The following NRG1 variants were observed in gnomAD, a reference collection of about 807,000 sequenced individuals.
NRG1 encodes the protein pro-neuregulin-1, membrane-bound isoform.
Under a neutral mutation model 63.8 loss-of-function variants are expected in NRG1, and 18 were observed. That is an observed-to-expected ratio of 0.28 (90% CI 0.19 to 0.42). The LOEUF (loss-of-function observed/expected upper bound fraction) is 0.42. NRG1 is among the 10% of genes least tolerant of loss of function. The probability of loss-of-function intolerance (pLI) is 1.00; values close to 1 mark genes in which losing one functional copy is unlikely to be tolerated. For missense variants in NRG1, 762 were observed against 814.7 expected (o/e 0.94, Z 0.79); for synonymous variants, 302 against 301.3 (o/e 1.00, Z -0.02).
chr8:31,850,439 T>C (rs1278571572), intron 1 of NRG1, among the ~76,000 whole-genome samples: 1 of 152,168 alleles, frequency 6.6e-6, no homozygotes, highest in Non-Finnish European at 1.5e-5. Flanking sequence ...TTATGTGACC[T>C]GAGGGTCCAT....
At position 31,731,417 on chromosome 8, in the gene NRG1, T is replaced by TACACACACTC. The variant is rs1554517429; in HGVS notation, c.37+91994_37+91995insTCACACACAC. On this transcript the variant is annotated intron_variant, in intron 1 of 10. Coordinates refer to the NRG1 transcript ENST00000519301. Reference sequence around the variant, plus strand: ...AAAAGTAGGATACAAAATTATGTCATACACACACACACACACACACACACA... The same window carrying TACACACACTC: ...AAAAGTAGGATACAAAATTATGTCATACACACACTCACACACACACACACACACACACACA... Among the ~76,000 whole-genome samples the TACACACACTC allele has an allele frequency of 7.2e-3, 1,067 of 148,406 alleles. 36 individuals are homozygous for TACACACACTC. The South Asian group carries it at 0.11, about 16-fold the overall frequency.
chr8:31,883,015 T>A (rs768002001), intron 1 of NRG1, among the ~76,000 whole-genome samples: 1 of 152,138 alleles, frequency 6.6e-6, no homozygotes, highest in Non-Finnish European at 1.5e-5. Context: ...TGCCTCCAAT[T>A]TCTCAAGAAA....
intron 1 of NRG1, among the ~76,000 whole-genome samples, chr8:31,833,253 G>T (rs1054249359): frequency 6.6e-6 from 1 of 152,204 alleles, no homozygotes; most frequent in African/African-American, 2.4e-5. Context: ...CAAAGGCTAT[G>T]TTGATGTCCA....
intron 1 of NRG1, among the ~76,000 whole-genome samples, chr8:31,918,234 G>C (rs954493778): frequency 1.4e-4 from 21 of 152,132 alleles, no homozygotes; most frequent in African/African-American, 3.4e-4. Flanking sequence ...ACTTCCAACA[G>C]TATGTTGAAT....
intron 1 of NRG1, among the ~76,000 whole-genome samples, chr8:32,052,579 G>A (rs1400034565): frequency 6.6e-6 from 1 of 152,102 alleles, no homozygotes; most frequent in Non-Finnish European, 1.5e-5. Flanking sequence ...ATTCACCTTA[G>A]AGATTTAAGA....
chr8:31,814,792 A>G (rs1258208782), intron 1 of NRG1, among the ~76,000 whole-genome samples: 1 of 151,928 alleles, frequency 6.6e-6, no homozygotes, highest in Non-Finnish European at 1.5e-5. Context: ...AACATTTCTT[A>G]AGGCTTATTT....
intron 1 of NRG1, among the ~76,000 whole-genome samples, chr8:31,675,489 T>C (rs1236888078): frequency 6.6e-6 from 1 of 152,178 alleles, no homozygotes; most frequent in Non-Finnish European, 1.5e-5. Flanking sequence ...AATACTAAAT[T>C]GTTTGAATTC....
At chr8:32,398,709 C>A (rs1246319373) in intron 1 of NRG1, among the ~76,000 whole-genome samples, 2 of 152,114 alleles carry the variant, frequency 1.3e-5, no homozygotes, top group African/African-American at 4.8e-5. Context: ...GACACTGCAC[C>A]CAGCCTCTAA....
chr8:31,670,912 C>T (rs1338516455), intron 1 of NRG1, among the ~76,000 whole-genome samples: 1 of 152,096 alleles, frequency 6.6e-6, no homozygotes, highest in Non-Finnish European at 1.5e-5. Flanking sequence ...CCCAGGTAAT[C>T]AACATAATAA....
chr8:32,177,381 T>C lies in NRG1; in HGVS notation c.38-418447T>C, dbSNP rs1840902098. On this transcript the variant is annotated intron_variant, in intron 1 of 10. Transcript: ENST00000519301. ...ATTAGGAGGTATACCTAATGTTAAATGAGGAGTTAATGGGTGCAGCACACC... is the reference window on the plus strand; with the variant it reads ...ATTAGGAGGTATACCTAATGTTAAACGAGGAGTTAATGGGTGCAGCACACC... Among the ~76,000 whole-genome samples the C allele has an allele frequency of 2.0e-5, 3 of 151,842 alleles. No individual in the cohort carries two copies. In the South Asian group the frequency reaches 6.3e-4, roughly 32 times the overall value.
intron 1 of NRG1, among the ~76,000 whole-genome samples, chr8:31,847,435 A>G (rs1400606548): frequency 1.3e-5 from 2 of 152,220 alleles, no homozygotes; most frequent in African/African-American, 4.8e-5. Flanking sequence ...TGATGAATTC[A>G]GCAGACATAG....
chr8:32,008,243 G>T (rs1280774903), intron 1 of NRG1, among the ~76,000 whole-genome samples: 2 of 151,472 alleles, frequency 1.3e-5, no homozygotes. Context: ...AGTGTCGATT[G>T]CATGACTTTA....
chr8:32,130,021 A>G (rs6990061), intron 1 of NRG1, among the ~76,000 whole-genome samples: 82,948 of 151,726 alleles, frequency 0.55, 24,038 homozygotes, highest in Admixed American at 0.65. Flanking sequence ...TATCATTTAA[A>G]AAATGTAAGA....
intron 1 of NRG1, among the ~76,000 whole-genome samples, chr8:32,124,639 A>G (rs796503777): frequency 5.9e-5 from 9 of 152,022 alleles, no homozygotes; most frequent in African/African-American, 1.9e-4. Flanking sequence ...ATTTTGATGT[A>G]CCAGGCCATT....
At chr8:32,018,282 C>A (rs1815887112) in intron 1 of NRG1, among the ~76,000 whole-genome samples, 1 of 152,178 alleles carries the variant, frequency 6.6e-6, no homozygotes, top group African/African-American at 2.4e-5. Flanking sequence ...ACAACTTTTA[C>A]TTGATCAGAG....
intron 5 of NRG1, among the ~76,000 whole-genome samples, chr8:32,641,441 A>G (rs1037283604): frequency 1.3e-5 from 2 of 152,222 alleles, no homozygotes; most frequent in Non-Finnish European, 2.9e-5. Flanking sequence ...GACAACTTGT[A>G]AAATGACCAA....
chr8:32,552,083 G>A (rs1461891024), intron 1 of NRG1, among the ~76,000 whole-genome samples: 1 of 151,660 alleles, frequency 6.6e-6, no homozygotes, highest in Non-Finnish European at 1.5e-5. Context: ...GCTAATTTTT[G>A]TATTTTTAGT....
At chr8:32,708,870 C>T (rs978871150) in intron 5 of NRG1, among the ~76,000 whole-genome samples, 1 of 152,194 alleles carries the variant, frequency 6.6e-6, no homozygotes, top group Non-Finnish European at 1.5e-5. Context: ...AGGAAGAAGT[C>T]ATTACCCCGG....
intron 1 of NRG1, among the ~76,000 whole-genome samples, chr8:32,461,654 T>G (rs1396305339): frequency 1.3e-5 from 2 of 152,006 alleles, no homozygotes; most frequent in Non-Finnish European, 2.9e-5. Context: ...ATCATGCCGT[T>G]GCACTCCAGC....
Sources: gnomAD v4.1 joint callset for allele counts (sites outside exome capture counted in the v4.1 genomes callset) on GRCh38, gnomAD v4.1.1 for gene constraint, MANE v1.5 for transcripts, NCBI Gene and HGNC (gene_info 2026-07-23, HGNC 2026-07-21) for gene names.